SAMD11: variants seen among roughly 807,000 people sequenced by gnomAD.
SAMD11 encodes the protein sterile alpha motif domain containing 11, also known as sterile alpha motif domain-containing protein 11.
In SAMD11, 77 loss-of-function variants were observed where a neutral mutation model predicts 64.4. The ratio of observed to expected loss-of-function variants is 1.20; its 90% CI spans 0.99 to 1.44. SAMD11 has a LOEUF of 1.44. Ranked by LOEUF, SAMD11 falls within the 40% of genes most tolerant of loss-of-function variation. The pLI, the probability that SAMD11 is intolerant of heterozygous loss-of-function variation, is 0.00. For synonymous variants in SAMD11, 658 were observed against 421.9 expected (o/e 1.56, Z -6.86); for missense variants, 1,402 against 943.3 (o/e 1.49, Z -6.37).
chr1:937,326 G>C (rs1641508168), intron 5 of SAMD11, among the ~76,000 whole-genome samples: 1 of 152,126 alleles, frequency 6.6e-6, no homozygotes, highest in Non-Finnish European at 1.5e-5. Flanking sequence ...ACCCGCTGGG[G>C]TCCATGAGTG....
In SAMD11 at chr1:944,206, A is replaced by G. The variant is rs1399951041; in HGVS notation, c.*53A>G. On this transcript the variant is annotated 3_prime_UTR_variant, in exon 14 of 14. Transcript: ENST00000616016. ...ACAAATCTCCAGGAGCCACCACTCA[A>G]CACAATGGCCCTGCCTCCCACCGCT... The G allele has an allele frequency of 2.7e-6, 4 of 1,494,748 alleles. No individual in the cohort carries two copies. In the African/African-American group the frequency reaches 5.6e-5, roughly 21 times the overall value. 92.6% of individuals were successfully genotyped at this position (1,494,748 alleles called of 1,614,324 possible).
intron 2 of SAMD11, among the ~76,000 whole-genome samples, 178 bp from the exon 3 acceptor site, chr1:929,977 G>A (rs943078050): frequency 1.3e-5 from 2 of 152,226 alleles, no homozygotes; most frequent in Non-Finnish European, 2.9e-5. Context: ...CCCAGAGGCA[G>A]GTAGAGGGAG....
rs1287330348 is a variant in SAMD11, at chr1:933,959, A to ACTGCTCCGTTACAGGTGGGCAGGGGAGG, written c.843-1811_843-1784dup. On this transcript the variant is annotated intron_variant, in intron 4 of 13. Coordinates refer to ENST00000616016, the MANE Select transcript of SAMD11 (RefSeq NM_001385641.1). ...GTAGGCTCCTAGGTCACTGCGCAGG[A>ACTGCTCCGTTACAGGTGGGCAGGGGAGG]CTGCTCCGTTACAGGTGGGCAGGGG... 8.2e-3 allele frequency among the ~76,000 whole-genome samples: 1,224 copies of ACTGCTCCGTTACAGGTGGGCAGGGGAGG among 150,072 alleles called. 562 individuals carry two copies. Among genetic ancestry groups the ACTGCTCCGTTACAGGTGGGCAGGGGAGG allele is most frequent in the African/African-American group, 0.026 (1,024 of 40,020 alleles).
At chr1:936,989 C>T (rs1641490320) in intron 5 of SAMD11, among the ~76,000 whole-genome samples, 1 of 152,150 alleles carries the variant, frequency 6.6e-6, no homozygotes, top group African/African-American at 2.4e-5. Flanking sequence ...GTGGGGTGCA[C>T]GTGATGGGGG....
intron 8 of SAMD11, 57 bp from the exon 9 acceptor site, chr1:942,079 G>A (rs1224874377): frequency 7.8e-6 from 4 of 514,854 alleles, no homozygotes; most frequent in African/African-American, 2.0e-5. Flanking sequence ...AGGGGCGCCG[G>A]GGCCTTTACG....
At position 930,347 on chromosome 1, in the gene SAMD11, C is replaced by T. The variant is rs772587001; in HGVS notation, c.791+11C>T. ...TATCATGAAGAGAAGGTACTTGGAC[C>T]AGGGCCGGACAGGAAGGCGCAAGGC... On this transcript the variant is annotated intron_variant, in intron 3 of 13. Coordinates refer to ENST00000616016, the MANE Select transcript of SAMD11 (RefSeq NM_001385641.1). The T allele has an allele frequency of 3.1e-6, 5 of 1,589,294 alleles. No individual in the cohort carries two copies. Among genetic ancestry groups the T allele is most frequent in the Admixed American group, 1.8e-5 (1 of 56,740 alleles).
chr1:941,008 C>A (rs2100351020), intron 7 of SAMD11, 136 bp from the exon 8 acceptor site: 1 of 728,360 alleles, frequency 1.4e-6, no homozygotes, highest in Non-Finnish European at 2.2e-6. Context: ...CTGCCCCGTG[C>A]CCGAGACCAG....
chr1:938,552 G>A (rs892263642), intron 5 of SAMD11, among the ~76,000 whole-genome samples: 4 of 152,130 alleles, frequency 2.6e-5, no homozygotes. Flanking sequence ...GAGGCGGCCT[G>A]GGGGGCCCAC....
In SAMD11 at chr1:937,154, A is replaced by AG. The variant is rs139977250; in HGVS notation, c.967+1262dup. Among the ~76,000 whole-genome samples the AG allele has an allele frequency of 2.4e-4, 37 of 152,086 alleles. No homozygotes were observed. The East Asian group carries it at 6.8e-3, about 28-fold the overall frequency. On this transcript the variant is annotated intron_variant, in intron 5 of 13. Coordinates refer to ENST00000616016, the MANE Select transcript of SAMD11 (RefSeq NM_001385641.1). ...CCCGCTCCCCGGAGCCTCCTCTTGGAGGGGCATTCACCCTGGGGGGCGTTC... is the reference window on the plus strand; with the variant it reads ...CCCGCTCCCCGGAGCCTCCTCTTGGAGGGGGCATTCACCCTGGGGGGCGTTC...
intron 4 of SAMD11, among the ~76,000 whole-genome samples, chr1:932,017 G>A (rs908199599): frequency 2.6e-5 from 4 of 152,236 alleles, no homozygotes; most frequent in African/African-American, 9.6e-5. Flanking sequence ...AGGCCCAGGG[G>A]ACCTGCGTGT....
rs527898125 is a variant in SAMD11, at chr1:939,227, C to T, written c.1058-48C>T. Reference sequence around the variant, plus strand: ...AGCAGGCACTCTAGAGGGGCGTGGTCCTCGGCAGTGCCTGGAGAAACCTCT... The same window carrying T: ...AGCAGGCACTCTAGAGGGGCGTGGTTCTCGGCAGTGCCTGGAGAAACCTCT... On this transcript the variant is annotated intron_variant, in intron 6 of 13. Coordinates refer to ENST00000616016, the MANE Select transcript of SAMD11 (RefSeq NM_001385641.1). The T allele has an allele frequency of 1.9e-6, 3 of 1,556,958 alleles. No homozygotes were observed. In the African/African-American group the frequency reaches 4.1e-5, roughly 21 times the overall value.
intron 4 of SAMD11, among the ~76,000 whole-genome samples, chr1:932,673 C>CT (rs1641226109): frequency 6.6e-6 from 1 of 152,246 alleles, no homozygotes; most frequent in South Asian, 2.1e-4. Flanking sequence ...AACACACTGC[C>CT]AGGCCACCTC....
Position 942,465 on chromosome 1 carries a change from C to T in SAMD11, c.1530C>T (p.Leu510=), listed in dbSNP as rs1437072789. 2.7e-6 allele frequency: 4 copies of T among 1,487,522 alleles called. No homozygotes were observed. The highest frequency in any genetic ancestry group is 2.9e-5 in the East Asian group (1 of 34,700). The allele number at this position is 1,487,522 out of a possible 1,614,324, so 92.1% of individuals were successfully genotyped here. Residue 510 remains leucine, a synonymous_variant, in exon 10 of 14, where the codon CTC becomes CTT. Coordinates refer to ENST00000616016, the MANE Select transcript of SAMD11 (RefSeq NM_001385641.1). ...QAEMFAWQQE[L]LRKQNLARLE... ...AGATGTTCGCCTGGCAGCAGGAGCT[C>T]CTGCGGAAGCAGAACCTGGCCCGGT...
At position 942,183 on chromosome 1, in the gene SAMD11, A is replaced by T; in HGVS notation, c.1406A>T (p.His469Leu). 2.1e-6 allele frequency: 3 copies of T among 1,427,460 alleles called. No homozygotes were observed. Among genetic ancestry groups the T allele is most frequent in the Non-Finnish European group, 2.8e-6 (3 of 1,088,240 alleles). The allele number at this position is 1,427,460 out of a possible 1,614,324, so 88.4% of individuals were successfully genotyped here. ...TTGCTGTCGCCGCAGAATGCCCCTC[A>T]CGTCGCCCTGGGCCCCCATCTCAGG... Reference protein sequence around the residue: ...PPLLSPQNAPHVALGPHLRPP... With the variant: ...PPLLSPQNAPLVALGPHLRPP... Residue 469 changes from histidine (H) to leucine (L), a missense_variant, in exon 9 of 14, where the codon CAC (histidine) becomes CTC (leucine). By Grantham distance (99) the His-to-Leu change is moderately conservative. Coordinates refer to ENST00000616016, the MANE Select transcript of SAMD11 (RefSeq NM_001385641.1).
Position 943,526 on chromosome 1 carries a change from CTTTTTTTTTTTT to C in SAMD11, c.2178+160_2179-150del, listed in dbSNP as rs56972694. 1.6e-5 allele frequency: 9 copies of C among 550,662 alleles called. No homozygotes were observed. In the Admixed American group the frequency reaches 1.8e-4, roughly 11 times the overall value. 34.1% of individuals were successfully genotyped at this position (550,662 alleles called of 1,614,324 possible). A position where few individuals can be genotyped will look rare whatever the true frequency, so the allele number is the denominator to read the frequency against. ...GCAGGGACTGGACTGTGCACCCCAC[CTTTTTTTTTTTT>C]TTTTTTTTTTGCCAGGTGTTTTCTG... is the stretch of plus-strand genomic sequence containing the variant. On this transcript the variant is annotated intron_variant, in intron 12 of 13. Transcript: ENST00000616016.
Position 944,047 on chromosome 1 carries a change from CCTATGGAG to C in SAMD11, c.2430_2437del (p.Tyr811GlyfsTer90). On this transcript the variant is annotated frameshift_variant, in exon 14 of 14. Coordinates refer to ENST00000616016, the MANE Select transcript of SAMD11 (RefSeq NM_001385641.1). LOFTEE classifies it low-confidence loss of function (END_TRUNC). The stretch of plus-strand genomic sequence containing the variant: ...TTGTCCCCCACGACGGCCACGTCCC[CCTATGGAG>C]GGGGCCACGCCCTTGCCGGTCAAAC... The C allele has an allele frequency of 6.2e-7, 1 of 1,612,780 alleles. No homozygotes were observed. The highest frequency in any genetic ancestry group is 8.5e-7 in the Non-Finnish European group (1 of 1,179,950).
chr1:932,571 T>C (rs1439163358), intron 4 of SAMD11, among the ~76,000 whole-genome samples: 1 of 151,830 alleles, frequency 6.6e-6, no homozygotes, highest in Non-Finnish European at 1.5e-5. Flanking sequence ...TCAGAGCGGG[T>C]GGTGGTCCCT....
chr1:940,463 G>A (rs1641696497), intron 7 of SAMD11: 1 of 152,252 alleles, frequency 6.6e-6, no homozygotes, highest in East Asian at 1.9e-4. Flanking sequence ...CCGCTTTCGG[G>A]TAATTAATTT....
chr1:929,168 C>T (rs949603410), intron 2 of SAMD11, among the ~76,000 whole-genome samples: 2 of 152,334 alleles, frequency 1.3e-5, no homozygotes, highest in African/African-American at 2.4e-5. Flanking sequence ...GGGGCTGGGC[C>T]GGCGCTGGTG....
Sources: gnomAD v4.1 joint callset for allele counts (sites outside exome capture counted in the v4.1 genomes callset) on GRCh38, gnomAD v4.1.1 for gene constraint, MANE v1.5 for transcripts, NCBI Gene and HGNC (gene_info 2026-07-23, HGNC 2026-07-21) for gene names.